EPHB1: variants seen among roughly 807,000 people sequenced by gnomAD.
The protein encoded by EPHB1 is ephrin type-B receptor 1.
Under a neutral mutation model 94.4 loss-of-function variants are expected in EPHB1, and 30 were observed. The ratio of observed to expected loss-of-function variants is 0.32; its 90% confidence interval spans 0.24 to 0.43. EPHB1 has a LOEUF of 0.43. Ranked by LOEUF, EPHB1 falls within the 20% of genes least tolerant of loss-of-function variation. The pLI is 1.00. For synonymous variants in EPHB1, 522 were observed against 489.1 expected (o/e 1.07, Z -0.89); for missense variants, 1,055 against 1,308.3 (o/e 0.81, Z 2.99).
intron 3 of EPHB1, among the ~76,000 whole-genome samples, chr3:135,003,823 T>A (rs1380763979): frequency 1.3e-5 from 2 of 152,044 alleles, no homozygotes; most frequent in Non-Finnish European, 2.9e-5. Flanking sequence ...TAGATCTTCC[T>A]CCATCCTTTT....
At chr3:135,248,812 G>C (rs1576499931) in intron 14 of EPHB1, among the ~76,000 whole-genome samples, 1 of 152,082 alleles carries the variant, frequency 6.6e-6, no homozygotes, top group African/African-American at 2.4e-5. Context: ...TTGAGGGTGA[G>C]GGAGATGTCA....
At chr3:135,204,273 G>A (rs981643444) in intron 12 of EPHB1, among the ~76,000 whole-genome samples, 5 of 151,776 alleles carry the variant, frequency 3.3e-5, no homozygotes, top group African/African-American at 9.7e-5. Flanking sequence ...GCATGATCTC[G>A]GCTCACTGCA....
At chr3:135,176,800 T>G (rs1230182990) in intron 9 of EPHB1, among the ~76,000 whole-genome samples, 2 of 152,216 alleles carry the variant, frequency 1.3e-5, no homozygotes, top group Non-Finnish European at 1.5e-5. Flanking sequence ...TGTCTTTACT[T>G]GCAAACCATT....
chr3:134,900,415 G>T (rs1679716342), intron 1 of EPHB1, among the ~76,000 whole-genome samples: 1 of 152,138 alleles, frequency 6.6e-6, no homozygotes, highest in South Asian at 2.1e-4. Flanking sequence ...GAATAAAATG[G>T]TAGTCAAGGA....
chr3:134,943,847 T>C (rs972161374), intron 2 of EPHB1, among the ~76,000 whole-genome samples: 34 of 152,300 alleles, frequency 2.2e-4, no homozygotes, highest in Non-Finnish European at 3.5e-4. Context: ...TAAGTCACCA[T>C]GAACAAGCTA....
chr3:135,178,624 CA>C (rs984692775), intron 9 of EPHB1, among the ~76,000 whole-genome samples: 18 of 151,974 alleles, frequency 1.2e-4, no homozygotes, highest in Non-Finnish European at 4.4e-5. Flanking sequence ...TGGAAAATGT[CA>C]AAACTAGAGC....
chr3:135,000,573 C>T (rs36074), intron 3 of EPHB1, among the ~76,000 whole-genome samples: 23,305 of 152,102 alleles, frequency 0.15, 2,595 homozygotes, highest in African/African-American at 0.31. Flanking sequence ...GCAAAAATAA[C>T]GCAACACATT....
At position 135,259,852 on chromosome 3, in the gene EPHB1, C is replaced by A. The variant is rs1933570014; in HGVS notation, c.*732C>A. ...AAACCTGTTTCCGTGTGCAAAAGCA[C>A]ACATATGTATGTCTGTGTTATAAAA... On this transcript the variant is annotated 3_prime_UTR_variant, in exon 16 of 16. Transcript: ENST00000398015. 4.4e-6 allele frequency: 1 copy of A among 224,974 alleles called. No homozygotes were observed. The highest frequency in any genetic ancestry group is 1.8e-4 in the South Asian group (1 of 5,462). The allele number at this position is 224,974 out of a possible 1,614,324, so 13.9% of individuals were successfully genotyped here.
chr3:135,153,332 G>C (rs969579592), intron 5 of EPHB1, among the ~76,000 whole-genome samples: 3 of 152,120 alleles, frequency 2.0e-5, no homozygotes, highest in Admixed American at 2.0e-4. Flanking sequence ...TCTTCCCCTA[G>C]AAAGACAGCC....
At chr3:134,912,271 G>A (rs78449880) in intron 1 of EPHB1, among the ~76,000 whole-genome samples, 6,075 of 152,294 alleles carry the variant, frequency 0.04, 174 homozygotes, top group African/African-American at 0.069. Flanking sequence ...TGCCATTGGC[G>A]CAAACTCATT....
chr3:135,256,174 T>C (rs1171705941), intron 15 of EPHB1, among the ~76,000 whole-genome samples: 8 of 152,176 alleles, frequency 5.3e-5, no homozygotes, highest in African/African-American at 1.9e-4. Flanking sequence ...CTTTATCCAA[T>C]TTGCCAGTCT....
At chr3:134,914,468 G>C (rs1455182437) in intron 1 of EPHB1, among the ~76,000 whole-genome samples, 1 of 152,174 alleles carries the variant, frequency 6.6e-6, no homozygotes, top group Non-Finnish European at 1.5e-5. Flanking sequence ...CAGCAATAAA[G>C]CTGAAACTCA....
intron 3 of EPHB1, among the ~76,000 whole-genome samples, chr3:135,099,858 G>A (rs889896108): frequency 2.0e-5 from 3 of 152,130 alleles, no homozygotes; most frequent in African/African-American, 7.2e-5. Context: ...GTAAGATAAA[G>A]GAAGGGGAGG....
intron 3 of EPHB1, among the ~76,000 whole-genome samples, chr3:135,099,867 G>A (rs942750505): frequency 6.6e-6 from 1 of 152,158 alleles, no homozygotes; most frequent in Non-Finnish European, 1.5e-5. Context: ...AGGAAGGGGA[G>A]GTTGTAGGAG....
In EPHB1 at chr3:134,987,535, G is replaced by A. The variant is rs191198631; in HGVS notation, c.805+35483G>A. ...AGCACTTTGGGAGGCTGAGGCTGGC[G>A]GATCACGAGGTCAGGAGATCGAGAC... On this transcript the variant is annotated intron_variant, in intron 3 of 15. Transcript: ENST00000398015. Among the ~76,000 whole-genome samples the A allele has an allele frequency of 7.3e-3, 1,107 of 152,208 alleles. 16 individuals carry two copies. The highest frequency in any genetic ancestry group is 0.026 in the African/African-American group (1,067 of 41,536).
chr3:135,022,073 G>A (rs1936003555), intron 3 of EPHB1, among the ~76,000 whole-genome samples: 1 of 152,114 alleles, frequency 6.6e-6, no homozygotes, highest in Non-Finnish European at 1.5e-5. Context: ...TCTGCCTCCT[G>A]GGTTCACGCC....
intron 3 of EPHB1, among the ~76,000 whole-genome samples, chr3:134,969,644 G>A (rs985924071): frequency 2.0e-5 from 3 of 152,210 alleles, no homozygotes; most frequent in African/African-American, 7.2e-5. Flanking sequence ...CATCATTTAA[G>A]AAATATTACA....
At chr3:134,796,569 G>A (rs2108280673) in intron 1 of EPHB1, among the ~76,000 whole-genome samples, 1 of 152,252 alleles carries the variant, frequency 6.6e-6, no homozygotes, top group East Asian at 1.9e-4. Context: ...GCAGCGGGGA[G>A]CCTGGGCGCT....
intron 15 of EPHB1, among the ~76,000 whole-genome samples, chr3:135,255,715 C>G (rs943816231): frequency 6.6e-6 from 1 of 151,142 alleles, no homozygotes; most frequent in Non-Finnish European, 1.5e-5. Context: ...GTGGAGAGTT[C>G]TGTAGATGTC....
Sources: gnomAD v4.1 joint callset for allele counts (sites outside exome capture counted in the v4.1 genomes callset) on GRCh38, gnomAD v4.1.1 for gene constraint, MANE v1.5 for transcripts, NCBI Gene and HGNC (gene_info 2026-07-23, HGNC 2026-07-21) for gene names.